The following SHC4 variants were observed in gnomAD, a reference collection of about 807,000 sequenced individuals.
SHC4 encodes SHC-transforming protein 4.
A neutral mutation model predicts 69.4 loss-of-function variants in SHC4; 41 were observed. The ratio of observed to expected loss-of-function variants is 0.59; its 90% confidence interval spans 0.46 to 0.77. SHC4 has a LOEUF of 0.77. SHC4 is among the 30% of genes least tolerant of loss of function. The probability of loss-of-function intolerance (pLI) is 0.00; values close to 1 mark genes in which losing one functional copy is unlikely to be tolerated. For missense variants in SHC4, 777 were observed against 783.8 expected, an observed-to-expected ratio of 0.99 and a Z score of 0.10; for synonymous variants, 318 against 299.3, an observed-to-expected ratio of 1.06 and a Z score of -0.64.
chr15:48,898,879 G>A (rs1182610979), intron 2 of SHC4, among the ~76,000 whole-genome samples: 1 of 151,974 alleles, frequency 6.6e-6, no homozygotes, highest in African/African-American at 2.4e-5. Flanking sequence ...TAAAATACAT[G>A]GGAATTTATA....
At chr15:48,930,058 C>T (rs1388506026) in intron 1 of SHC4, among the ~76,000 whole-genome samples, 2 of 152,094 alleles carry the variant, frequency 1.3e-5, no homozygotes, top group African/African-American at 4.8e-5. Flanking sequence ...TATGGGAAGT[C>T]TCATCCTAAC....
chr15:48,846,073 A>C (rs1486020623), intron 9 of SHC4, among the ~76,000 whole-genome samples: 1 of 151,866 alleles, frequency 6.6e-6, no homozygotes, highest in Non-Finnish European at 1.5e-5. Flanking sequence ...AACACAGCTT[A>C]CTGCAGCCTC....
chr15:48,924,796 G>A, intron 2 of SHC4, 83 bp downstream of exon 2: 3 of 1,422,734 alleles, frequency 2.1e-6, no homozygotes, highest in South Asian at 1.2e-5. Flanking sequence ...TGAATTGGAA[G>A]GTTTGCATAA....
intron 10 of SHC4, among the ~76,000 whole-genome samples, chr15:48,839,126 AGAAAATTACCAATAACAG>A (rs757205011): frequency 2.0e-5 from 3 of 152,196 alleles, no homozygotes; most frequent in Non-Finnish European, 4.4e-5. Context: ...AGTAAAAAGG[AGAAAATTACCAATAACAG>A]GAAAGAGAGA....
chr15:48,852,296 G>T (rs1180199583), intron 8 of SHC4, among the ~76,000 whole-genome samples: 1 of 152,054 alleles, frequency 6.6e-6, no homozygotes, highest in Non-Finnish European at 1.5e-5. Flanking sequence ...TTTTATTGGA[G>T]GAGATGAAAT....
In SHC4 at chr15:48,846,523, C is replaced by T. The variant is rs78076472; in HGVS notation, c.1304-2935G>A. 7.3e-3 allele frequency among the ~76,000 whole-genome samples: 1,118 copies of T among 152,256 alleles called. 17 individuals carry two copies. Among genetic ancestry groups the T allele is most frequent in the African/African-American group, 0.026 (1,074 of 41,532 alleles). ...TGTCCTTCAAGATTCTGCTCTGAAACCATCTTTTTCAGGAAGCCTTCCCCT... is the reference window on the plus strand; with the variant it reads ...TGTCCTTCAAGATTCTGCTCTGAAATCATCTTTTTCAGGAAGCCTTCCCCT... On this transcript the variant is annotated intron_variant, in intron 9 of 11. Coordinates refer to ENST00000332408, the MANE Select transcript of SHC4 (RefSeq NM_203349.4).
chr15:48,941,349 G>A (rs1901171726), intron 1 of SHC4, among the ~76,000 whole-genome samples: 2 of 152,184 alleles, frequency 1.3e-5, no homozygotes, highest in South Asian at 2.1e-4. Context: ...TATCAGTGGA[G>A]TAGTCAACGT....
intron 10 of SHC4, among the ~76,000 whole-genome samples, chr15:48,841,305 T>C (rs181593807): frequency 6.6e-6 from 1 of 152,324 alleles, no homozygotes; most frequent in Non-Finnish European, 1.5e-5. Flanking sequence ...TAACAAACAT[T>C]ACCTATCCAC....
rs1157930070 is a variant in SHC4, at chr15:48,963,888, CTG to C, written c.-875_-874del. Among the ~76,000 whole-genome samples, 1 of 152,350 alleles carries C rather than the reference CTG, an allele frequency of 6.6e-6. No individual in the cohort carries two copies. The highest frequency in any genetic ancestry group is 1.9e-4 in the East Asian group (1 of 5,194). ...AATGAACTTTGCCGAATGAATTTCT[CTG>C]TGTGTGTGCAAGCTAATAAATCTGT... On this transcript the variant is annotated 5_prime_UTR_variant, in exon 1 of 12. Transcript: ENST00000332408.
chr15:48,839,414 A>G (rs4775777), intron 10 of SHC4, among the ~76,000 whole-genome samples: 55,165 of 152,056 alleles, frequency 0.36, 11,711 homozygotes, highest in Middle Eastern at 0.5. Context: ...TCCAACATCT[A>G]CTTTAAGTAT....
chr15:48,925,429 G>A (rs896419141), intron 1 of SHC4, among the ~76,000 whole-genome samples: 9 of 152,222 alleles, frequency 5.9e-5, no homozygotes, highest in African/African-American at 2.2e-4. Flanking sequence ...CTAAATAGTA[G>A]AGGAAGCAAA....
At chr15:48,908,753 T>A (rs905166617) in intron 2 of SHC4, among the ~76,000 whole-genome samples, 1 of 152,252 alleles carries the variant, frequency 6.6e-6, no homozygotes, top group African/African-American at 2.4e-5. Flanking sequence ...GGATCCAGTT[T>A]CATTCTCCTA....
At chr15:48,946,477 CT>C in intron 1 of SHC4, 1 of 675,192 alleles carries the variant, frequency 1.5e-6, no homozygotes, top group Non-Finnish European at 1.8e-6. Context: ...TCCCTCCTCT[CT>C]TTCTCCTCCC....
intron 2 of SHC4, among the ~76,000 whole-genome samples, chr15:48,912,288 C>CT: frequency 6.6e-6 from 1 of 152,148 alleles, no homozygotes; most frequent in East Asian, 1.9e-4. Flanking sequence ...TTTTCTTATT[C>CT]TTTTTTCAGT....
intron 2 of SHC4, among the ~76,000 whole-genome samples, chr15:48,896,214 TTCTC>T (rs1292069828): frequency 4.8e-5 from 7 of 147,128 alleles, no homozygotes; most frequent in South Asian, 2.2e-4. Context: ...CTTCCTTTCT[TTCTC>T]TCTCTCTCCC....
At position 48,961,649 on chromosome 15, in the gene SHC4, T is replaced by C. The variant is rs984444773; in HGVS notation, c.585+782A>G. On this transcript the variant is annotated intron_variant, in intron 1 of 11. Transcript: ENST00000332408. ...TCCTTTTTTCTGAATTCCCTCAGCATTCTCATATTAGCTATCTATTGCTAA... is the reference window on the plus strand; with the variant it reads ...TCCTTTTTTCTGAATTCCCTCAGCACTCTCATATTAGCTATCTATTGCTAA... Among the ~76,000 whole-genome samples the C allele has an allele frequency of 2.0e-5, 3 of 152,386 alleles. No individual in the cohort carries two copies. In the South Asian group the frequency reaches 6.2e-4, roughly 32 times the overall value.
chr15:48,939,982 G>C (rs1366141931), intron 1 of SHC4, among the ~76,000 whole-genome samples: 1 of 152,248 alleles, frequency 6.6e-6, no homozygotes, highest in South Asian at 2.1e-4. Context: ...GAGATGCCAA[G>C]AGGCGGCAGC....
At chr15:48,930,741 T>C (rs1359916537) in intron 1 of SHC4, among the ~76,000 whole-genome samples, 1 of 152,228 alleles carries the variant, frequency 6.6e-6, no homozygotes, top group Non-Finnish European at 1.5e-5. Flanking sequence ...TGTTCAACAA[T>C]GGTAGAGGCC....
At chr15:48,919,697 T>C (rs1028535276) in intron 2 of SHC4, among the ~76,000 whole-genome samples, 3 of 152,144 alleles carry the variant, frequency 2.0e-5, no homozygotes, top group African/African-American at 7.2e-5. Context: ...GATACTTTCA[T>C]GGCTGGATCC....
Sources: gnomAD v4.1 joint callset for allele counts (sites outside exome capture counted in the v4.1 genomes callset) on GRCh38, gnomAD v4.1.1 for gene constraint, MANE v1.5 for transcripts, NCBI Gene and HGNC (gene_info 2026-07-23, HGNC 2026-07-21) for gene names.